The following SRBD1 variants were observed in gnomAD, a reference collection of about 807,000 sequenced individuals.
The protein encoded by SRBD1 is S1 RNA binding domain 1.
In SRBD1, 88 loss-of-function variants were observed where a neutral mutation model predicts 115.3. The ratio of observed to expected loss-of-function variants is 0.76; its 90% CI spans 0.64 to 0.91. The LOEUF (loss-of-function observed/expected upper bound fraction) is 0.91. Among genes scored for constraint, SRBD1 ranks in the 40% least tolerant of loss-of-function variants. The pLI, the probability that SRBD1 is intolerant of heterozygous loss-of-function variation, is 0.00. For synonymous variants in SRBD1, 509 were observed against 407.7 expected (o/e 1.25, Z -2.99); for missense variants, 1,385 against 1,177.4 (o/e 1.18, Z -2.58).
At chr2:45,449,813 C>G (rs1049081988) in intron 16 of SRBD1, among the ~76,000 whole-genome samples, 2 of 152,168 alleles carry the variant, frequency 1.3e-5, no homozygotes, top group Admixed American at 6.5e-5. Flanking sequence ...ACAGTTAACA[C>G]GAACTAGAGT....
intron 9 of SRBD1, among the ~76,000 whole-genome samples, chr2:45,568,889 T>C (rs1178318317): frequency 6.6e-6 from 1 of 152,274 alleles, no homozygotes; most frequent in Non-Finnish European, 1.5e-5. Context: ...TAGACTATAA[T>C]AACTACGTAT....
intron 14 of SRBD1, among the ~76,000 whole-genome samples, chr2:45,515,906 T>A (rs1671103884): frequency 6.6e-6 from 1 of 152,182 alleles, no homozygotes; most frequent in African/African-American, 2.4e-5. Flanking sequence ...CTGGGCATGG[T>A]GGCTGATTCA....
At chr2:45,452,954 G>A (rs1669039577) in intron 16 of SRBD1, among the ~76,000 whole-genome samples, 1 of 151,998 alleles carries the variant, frequency 6.6e-6, no homozygotes, top group African/African-American at 2.4e-5. Context: ...CCCTGTTTAT[G>A]GGGATGAAAT....
intron 16 of SRBD1, among the ~76,000 whole-genome samples, chr2:45,442,710 T>C (rs148032127): frequency 6.6e-6 from 1 of 152,306 alleles, no homozygotes; most frequent in Non-Finnish European, 1.5e-5. Context: ...TTGGAGTAAA[T>C]CTCAGCTTAG....
At chr2:45,481,269 G>A (rs1410818424) in intron 15 of SRBD1, among the ~76,000 whole-genome samples, 1 of 152,108 alleles carries the variant, frequency 6.6e-6, no homozygotes, top group Non-Finnish European at 1.5e-5. Context: ...GAGAGAGATG[G>A]TGCTACTTTC....
chr2:45,453,041 C>T (rs1315993407), intron 16 of SRBD1, among the ~76,000 whole-genome samples: 1 of 151,704 alleles, frequency 6.6e-6, no homozygotes, highest in Non-Finnish European at 1.5e-5. Context: ...TTATTCTTTC[C>T]ATTAGGATTA....
intron 16 of SRBD1, among the ~76,000 whole-genome samples, chr2:45,470,864 T>G (rs1669628311): frequency 6.6e-6 from 1 of 152,166 alleles, no homozygotes; most frequent in Admixed American, 6.6e-5. Context: ...AAATCACCTC[T>G]CCCCATCTCC....
At chr2:45,391,462 A>G (rs1666997858) in intron 20 of SRBD1, among the ~76,000 whole-genome samples, 1 of 148,428 alleles carries the variant, frequency 6.7e-6, no homozygotes, top group South Asian at 2.1e-4. Context: ...ATAAAATATC[A>G]TCACGTGGAA....
chr2:45,598,956 C>T (rs888810115), intron 4 of SRBD1, among the ~76,000 whole-genome samples: 3 of 152,180 alleles, frequency 2.0e-5, no homozygotes, highest in Non-Finnish European at 2.9e-5. Context: ...CTGATTTCCC[C>T]TGTAGTAAGA....
At chr2:45,578,568 AG>A (rs1263922103) in intron 7 of SRBD1, among the ~76,000 whole-genome samples, 3 of 152,222 alleles carry the variant, frequency 2.0e-5, no homozygotes, top group Non-Finnish European at 4.4e-5. Flanking sequence ...AAATAAAAAC[AG>A]GCTATAGTAT....
At chr2:45,445,676 T>C (rs1326278777) in intron 16 of SRBD1, among the ~76,000 whole-genome samples, 1 of 151,582 alleles carries the variant, frequency 6.6e-6, no homozygotes, top group Non-Finnish European at 1.5e-5. Context: ...ATGTTGTCAG[T>C]GACTTAAACC....
At chr2:45,421,210 T>C (rs1667988818) in intron 16 of SRBD1, among the ~76,000 whole-genome samples, 1 of 152,036 alleles carries the variant, frequency 6.6e-6, no homozygotes, top group Non-Finnish European at 1.5e-5. Context: ...TCAGAGGTAT[T>C]AAAATGTCAG....
intron 10 of SRBD1, among the ~76,000 whole-genome samples, chr2:45,559,631 A>T (rs1444344596): frequency 6.6e-6 from 1 of 152,194 alleles, no homozygotes; most frequent in African/African-American, 2.4e-5. Context: ...AGAAATAGGG[A>T]AAAAGAGAGT....
At chr2:45,437,685 G>A (rs2103696570) in intron 16 of SRBD1, among the ~76,000 whole-genome samples, 1 of 152,268 alleles carries the variant, frequency 6.6e-6, no homozygotes, top group South Asian at 2.1e-4. Flanking sequence ...CCAAGATCGT[G>A]CCACTGCACT....
At chr2:45,511,413 G>A (rs533171564) in intron 14 of SRBD1, among the ~76,000 whole-genome samples, 1 of 152,266 alleles carries the variant, frequency 6.6e-6, no homozygotes, top group African/African-American at 2.4e-5. Flanking sequence ...ATCCACAGAA[G>A]TAAGAGTCAT....
chr2:45,522,845 C>A (rs1173508820), intron 14 of SRBD1, among the ~76,000 whole-genome samples: 1 of 152,114 alleles, frequency 6.6e-6, no homozygotes, highest in African/African-American at 2.4e-5. Flanking sequence ...ACATACAGAA[C>A]ATGTGTTAAT....
intron 16 of SRBD1, among the ~76,000 whole-genome samples, chr2:45,468,246 T>C (rs939581920): frequency 1.3e-5 from 2 of 152,182 alleles, no homozygotes; most frequent in African/African-American, 4.8e-5. Context: ...GGTTTCTCCA[T>C]ATTAATCTAG....
At chr2:45,466,290 GTC>G (rs1348761860) in intron 16 of SRBD1, among the ~76,000 whole-genome samples, 1 of 152,108 alleles carries the variant, frequency 6.6e-6, no homozygotes, top group Admixed American at 6.6e-5. Flanking sequence ...CCCCACAGGA[GTC>G]TCTCTGGAGC....
chr2:45,520,138 C>T (rs1671237807), intron 14 of SRBD1, among the ~76,000 whole-genome samples: 1 of 152,198 alleles, frequency 6.6e-6, no homozygotes, highest in Admixed American at 6.5e-5. Flanking sequence ...GACAGATGTT[C>T]CAGATGTCAG....
Sources: gnomAD v4.1 joint callset for allele counts (sites outside exome capture counted in the v4.1 genomes callset) on GRCh38, gnomAD v4.1.1 for gene constraint, MANE v1.5 for transcripts, NCBI Gene and HGNC (gene_info 2026-07-23, HGNC 2026-07-21) for gene names.